The following PRAMEF15 variants were observed in gnomAD, a reference collection of about 807,000 sequenced individuals.
PRAMEF15 encodes PRAME family member 9/15.
A neutral mutation model predicts 35.3 loss-of-function variants in PRAMEF15; 21 were observed. The ratio of observed to expected loss-of-function variants is 0.59; its 90% confidence interval spans 0.42 to 0.86. The LOEUF is 0.86. Ranked by LOEUF, PRAMEF15 falls within the 40% of genes least tolerant of loss-of-function variation. The pLI, the probability that PRAMEF15 is intolerant of heterozygous loss-of-function variation, is 0.00. For missense variants in PRAMEF15, 360 were observed against 574.1 expected (o/e 0.63, Z 3.81); for synonymous variants, 122 against 223.3 (o/e 0.55, Z 4.05).
intron 3 of PRAMEF15, among the ~76,000 whole-genome samples, chr1:13,321,071 C>A (rs1307785870): frequency 1.3e-5 from 2 of 151,900 alleles, no homozygotes; most frequent in Non-Finnish European, 2.9e-5. Context: ...GTCCTTTATG[C>A]CTGAATCTCC....
intron 1 of PRAMEF15, among the ~76,000 whole-genome samples, chr1:13,317,921 G>GAGAA (rs1216195626): frequency 6.6e-6 from 1 of 151,666 alleles, no homozygotes; most frequent in South Asian, 2.1e-4. Context: ...AAGAAAGAGA[G>GAGAA]AGAAAGAGAA....
intron 3 of PRAMEF15, among the ~76,000 whole-genome samples, chr1:13,320,411 T>G (rs1640068533): frequency 6.6e-6 from 1 of 152,042 alleles, no homozygotes; most frequent in Non-Finnish European, 1.5e-5. Flanking sequence ...TAAATAAAAG[T>G]AAAAACAAAC....
At chr1:13,320,695 A>G (rs1199219356) in intron 3 of PRAMEF15, among the ~76,000 whole-genome samples, 1 of 152,220 alleles carries the variant, frequency 6.6e-6, no homozygotes, top group Non-Finnish European at 1.5e-5. Flanking sequence ...AAGTGCTGGG[A>G]TTATAGGCGA....
chr1:13,321,848 G>T lies in PRAMEF15; in HGVS notation c.1021G>T (p.Val341Leu). The T allele has an allele frequency of 1.2e-6, 2 of 1,608,076 alleles. No homozygotes were observed. The highest frequency in any genetic ancestry group is 3.3e-4 in the Middle Eastern group (2 of 5,986). Reference protein sequence around the residue: ...SGIRLTNYSLVPLQILLEKVA... With the variant: ...SGIRLTNYSLLPLQILLEKVA... ...CATCAGACTGACCAATTATAGTCTT[G>T]TGCCTCTCCAAATTCTCCTAGAAAA... The change falls in exon 4 of 4, where the codon GTG (valine) becomes TTG (leucine). Residue 341 changes from valine (V) to leucine (L), a missense_variant. Around this residue, in one of 8 missense-constraint regions of PRAMEF15, gnomAD observed 72 missense variants for 79.9 expected, o/e 0.90. Coordinates refer to ENST00000376152, the MANE Select transcript of PRAMEF15 (RefSeq NM_001098376.3).
chr1:13,317,335 G>T (rs1231138528), intron 1 of PRAMEF15, among the ~76,000 whole-genome samples: 1 of 151,822 alleles, frequency 6.6e-6, no homozygotes, highest in Non-Finnish European at 1.5e-5. Context: ...CTCACAAAAT[G>T]CTCAGATTAC....
intron 3 of PRAMEF15, among the ~76,000 whole-genome samples, chr1:13,320,376 T>C (rs1640067915): frequency 6.6e-6 from 1 of 152,018 alleles, no homozygotes; most frequent in Non-Finnish European, 1.5e-5. Flanking sequence ...CTGGGTAACA[T>C]ACCAAGACCC....
chr1:13,316,603 C>G (rs1280046902), intron 1 of PRAMEF15, among the ~76,000 whole-genome samples: 104 of 151,968 alleles, frequency 6.8e-4, no homozygotes, highest in Non-Finnish European at 1.2e-3. Flanking sequence ...AACAGTGAGC[C>G]AAGATGGTGC....
chr1:13,321,085 G>A (rs1640077991), intron 3 of PRAMEF15, among the ~76,000 whole-genome samples: 1 of 151,902 alleles, frequency 6.6e-6, no homozygotes, highest in African/African-American at 2.4e-5. Context: ...AATCTCCACT[G>A]GGCTCCTGCG....
Position 13,322,431 on chromosome 1 carries a change from A to C in PRAMEF15, c.*167A>C. On this transcript the variant is annotated 3_prime_UTR_variant, in exon 4 of 4. Coordinates refer to ENST00000376152, the MANE Select transcript of PRAMEF15 (RefSeq NM_001098376.3). ...ATCAAGCAGGGGCCGGACTTGGGGGAAATGTTGCCATGGATTCGATGGGAC... is the reference window on the plus strand; with the variant it reads ...ATCAAGCAGGGGCCGGACTTGGGGGCAATGTTGCCATGGATTCGATGGGAC... The C allele has an allele frequency of 2.8e-6, 2 of 723,300 alleles. No individual in the cohort carries two copies. Among genetic ancestry groups the C allele is most frequent in the Non-Finnish European group, 4.5e-6 (2 of 445,152 alleles). 44.8% of individuals were successfully genotyped at this position (723,300 alleles called of 1,614,324 possible). A position where few individuals can be genotyped will look rare whatever the true frequency, so the allele number is the denominator to read the frequency against.
Position 13,322,016 on chromosome 1 carries a change from C to G in PRAMEF15, c.1189C>G (p.Leu397Val). ...TGGAAATCCCATCTGCATGGCCACC[C>G]TGGAGAACCTGCTGAGCCACACAAT... ...FCGNPICMAT[L>V]ENLLSHTIIL... Residue 397 changes from leucine (L) to valine (V), a missense_variant, in exon 4 of 4, where the codon CTG becomes GTG. This residue lies in a region of PRAMEF15 where 147 missense variants were observed against 123.5 expected (regional missense o/e 1.19). Coordinates refer to ENST00000376152, the MANE Select transcript of PRAMEF15 (RefSeq NM_001098376.3). 39 of 1,609,834 alleles carry G rather than the reference C, an allele frequency of 2.4e-5. 1 individual carries two copies. The highest frequency in any genetic ancestry group is 3.1e-5 in the Non-Finnish European group (37 of 1,178,822).
intron 1 of PRAMEF15, among the ~76,000 whole-genome samples, chr1:13,316,242 G>A (rs1364879493): frequency 6.6e-6 from 1 of 151,642 alleles, no homozygotes; most frequent in Admixed American, 6.6e-5. Context: ...GACCTCAAGT[G>A]ATCCACCTGC....
chr1:13,316,695 G>C (rs1210777199), intron 1 of PRAMEF15, among the ~76,000 whole-genome samples: 4 of 151,826 alleles, frequency 2.6e-5, no homozygotes, highest in African/African-American at 7.3e-5. Flanking sequence ...GTGATCATGG[G>C]TTACATGAAG....
intron 1 of PRAMEF15, among the ~76,000 whole-genome samples, chr1:13,317,349 T>A (rs1194381645): frequency 4.6e-5 from 7 of 151,714 alleles, no homozygotes; most frequent in Non-Finnish European, 1.5e-5. Context: ...AGATTACAGG[T>A]GTGAGTCACT....
chr1:13,316,163 C>G (rs1433102025), intron 1 of PRAMEF15, among the ~76,000 whole-genome samples: 2 of 151,594 alleles, frequency 1.3e-5, no homozygotes, highest in African/African-American at 4.9e-5. Flanking sequence ...GAAACCATGC[C>G]TGGCTAAGTT....
chr1:13,320,030 G>A (rs2100322904), intron 3 of PRAMEF15, 77 bp downstream of exon 3: 3 of 1,605,308 alleles, frequency 1.9e-6, no homozygotes, highest in South Asian at 2.2e-5. Flanking sequence ...CATCTACTGT[G>A]AGCCAGCCTA....
chr1:13,319,167 C>G (rs1476689859), intron 2 of PRAMEF15, among the ~76,000 whole-genome samples: 85 of 149,412 alleles, frequency 5.7e-4, no homozygotes, highest in Non-Finnish European at 1.1e-3. Context: ...GCACTCTAGC[C>G]TGGGCGACAC....
chr1:13,317,846 A>G (rs1469487001), intron 1 of PRAMEF15, among the ~76,000 whole-genome samples: 1 of 151,326 alleles, frequency 6.6e-6, no homozygotes, highest in African/African-American at 2.4e-5. Flanking sequence ...GAAGACAAGA[A>G]AGAAAGAAGG....
At position 13,322,089 on chromosome 1, in the gene PRAMEF15, G is replaced by A; in HGVS notation, c.1262G>A (p.Ser421Asn). The A allele has an allele frequency of 1.9e-6, 3 of 1,609,050 alleles. No individual in the cohort carries two copies. Among genetic ancestry groups the A allele is most frequent in the Non-Finnish European group, 2.5e-6 (3 of 1,178,458 alleles). The change falls in exon 4 of 4, where the codon AGT (serine) becomes AAT (asparagine). Residue 421 changes from serine (S) to asparagine (N), a missense_variant. This residue lies in a region of PRAMEF15 where 147 missense variants were observed against 123.5 expected (regional missense o/e 1.19). Coordinates refer to ENST00000376152, the MANE Select transcript of PRAMEF15 (RefSeq NM_001098376.3). Reference protein sequence around the residue: ...CVELYPAPRESYGADGTLCWS... With the variant: ...CVELYPAPRENYGADGTLCWS... ...GAGCTGTATCCTGCCCCCCGAGAGA[G>A]TTATGGTGCTGATGGTACTCTCTGC...
intron 3 of PRAMEF15, among the ~76,000 whole-genome samples, 172 bp from the exon 4 acceptor site, chr1:13,321,531 T>C (rs1640083243): frequency 1.3e-5 from 2 of 152,002 alleles, no homozygotes; most frequent in South Asian, 4.2e-4. Flanking sequence ...GGAATTGACC[T>C]CAGTGGCAAA....
Sources: gnomAD v4.1 joint callset for allele counts (sites outside exome capture counted in the v4.1 genomes callset) on GRCh38, gnomAD v4.1.1 for gene constraint, gnomAD v4.1.1 regional missense constraint, MANE v1.5 for transcripts, NCBI Gene and HGNC (gene_info 2026-07-23, HGNC 2026-07-21) for gene names.